ETNPPL: variants seen among roughly 807,000 people sequenced by gnomAD.
ETNPPL encodes alanine--glyoxylate aminotransferase 2-like 1.
ETNPPL carries 30 observed loss-of-function variants against 55.5 expected under a neutral mutation model. The ratio of observed to expected loss-of-function variants is 0.54; its 90% CI spans 0.40 to 0.73. ETNPPL has a LOEUF of 0.73. ETNPPL is among the 30% of genes least tolerant of loss of function. ETNPPL has a pLI of 0.00. For synonymous variants in ETNPPL, 202 were observed against 207.2 expected, an observed-to-expected ratio of 0.98 and a Z score of 0.21; for missense variants, 528 against 607.9, an observed-to-expected ratio of 0.87 and a Z score of 1.38.
chr4:108,750,495 C>CATGTGTGT lies in ETNPPL; in HGVS notation c.701+440_701+441insACACACAT, dbSNP rs1491439467. Among the ~76,000 whole-genome samples the CATGTGTGT allele has an allele frequency of 3.0e-4, 42 of 141,620 alleles. 1 individual carries two copies. Among genetic ancestry groups the CATGTGTGT allele is most frequent in the African/African-American group, 1.1e-3 (40 of 37,364 alleles). 92.9% of individuals were successfully genotyped at this position (141,620 alleles called of 152,430 possible). A position where few individuals can be genotyped will look rare whatever the true frequency, so the allele number is the denominator to read the frequency against. On this transcript the variant is annotated intron_variant, in intron 7 of 12. Coordinates refer to ENST00000296486, the MANE Select transcript of ETNPPL (RefSeq NM_031279.4). The stretch of plus-strand genomic sequence containing the variant: ...CATGTAAGTTAATACTTAATACCGC[C>CATGTGTGT]GTGTGTGTGTGTGTGTGTGTGTGTG...
intron 5 of ETNPPL, among the ~76,000 whole-genome samples, chr4:108,753,788 G>GA (rs1204342369): frequency 3.5e-4 from 40 of 114,812 alleles, no homozygotes; most frequent in African/African-American, 1.8e-3. Context: ...AAGAAAGAAA[G>GA]AAAGAAAGAA....
chr4:108,759,400 C>CA (rs59227589), intron 3 of ETNPPL, among the ~76,000 whole-genome samples: 12,405 of 67,914 alleles, frequency 0.18, 1,057 homozygotes, highest in South Asian at 0.26. Context: ...GGCTCCATCT[C>CA]AAAAAAAAAA....
chr4:108,753,060 ACCTT>A (rs1407905013), intron 5 of ETNPPL, 49 bp from the exon 6 acceptor site: 4 of 1,019,792 alleles, frequency 3.9e-6, no homozygotes, highest in Admixed American at 4.1e-5. Context: ...TTTTCGACAA[ACCTT>A]AAAAAAAAGG....
rs775090879 is a variant in ETNPPL at position 108,748,070 on chromosome 4, T to C, written c.1017A>G (p.Val339=). Residue 339 remains valine (V), a synonymous_variant, in exon 9 of 13, where the codon GTA becomes GTG. Coordinates refer to ENST00000296486, the MANE Select transcript of ETNPPL (RefSeq NM_031279.4). The part of the protein sequence containing the change: ...NEDLQGNAKR[V]GNYLTELLKK... ...TCAGTAACTCAGTGAGATAATTCCCTACTCTCTTGGCATTTCCTTGAAGGT... is the reference window on the plus strand; with the variant it reads ...TCAGTAACTCAGTGAGATAATTCCCCACTCTCTTGGCATTTCCTTGAAGGT... 4 of 1,612,142 alleles carry C rather than the reference T, an allele frequency of 2.5e-6. No homozygotes were observed. The highest frequency in any genetic ancestry group is 3.4e-6 in the Non-Finnish European group (4 of 1,178,936).
intron 2 of ETNPPL, 93 bp from the exon 3 acceptor site, chr4:108,760,001 A>G (rs770084941): frequency 2.2e-6 from 3 of 1,341,390 alleles, no homozygotes; most frequent in Admixed American, 2.0e-5. Context: ...CAAGCAAACA[A>G]ACAAACAAAC....
chr4:108,759,910 T>C lies in ETNPPL; in HGVS notation c.176-2A>G. The C allele has an allele frequency of 6.2e-7, 1 of 1,612,406 alleles. No homozygotes were observed. The highest frequency in any genetic ancestry group is 8.5e-7 in the Non-Finnish European group (1 of 1,179,300). ...CCACTCCTGGGTGACAGTGTCCCAC[T>C]AAAATTTATGAAACAAAAGCCCAAG... On this transcript the variant is annotated splice_acceptor_variant, in intron 2 of 12. Coordinates refer to ENST00000296486, the MANE Select transcript of ETNPPL (RefSeq NM_031279.4). LOFTEE classifies it high-confidence loss of function.
At chr4:108,758,722 C>T (rs552074116) in intron 3 of ETNPPL, among the ~76,000 whole-genome samples, 1 of 152,336 alleles carries the variant, frequency 6.6e-6, no homozygotes, top group South Asian at 2.1e-4. Context: ...CTGCTGGTGG[C>T]CCTGTGCATG....
At chr4:108,758,549 A>T (rs1729340261) in intron 3 of ETNPPL, among the ~76,000 whole-genome samples, 1 of 152,166 alleles carries the variant, frequency 6.6e-6, no homozygotes, top group Non-Finnish European at 1.5e-5. Context: ...CAGGAGTTCA[A>T]GAGCAGCCTG....
At chr4:108,762,218 C>T in intron 1 of ETNPPL, 2 of 371,040 alleles carry the variant, frequency 5.4e-6, no homozygotes, top group South Asian at 4.1e-5. Context: ...TCGTTTGTGA[C>T]GGGGGCAAGA....
At chr4:108,754,274 G>A (rs554191599) in intron 5 of ETNPPL, among the ~76,000 whole-genome samples, 5 of 152,062 alleles carry the variant, frequency 3.3e-5, no homozygotes, top group East Asian at 1.9e-4. Context: ...CACTGTGCCC[G>A]GCCAAGAGCA....
chr4:108,751,125 C>G lies in ETNPPL; in HGVS notation c.619-107G>C, dbSNP rs956852258. ...ATTTTAAAAATGGCTAGGAATAGAC[C>G]TGTAGCAAGTGGCAAATTAGCCATT... On this transcript the variant is annotated intron_variant, in intron 6 of 12. Coordinates refer to ENST00000296486, the MANE Select transcript of ETNPPL (RefSeq NM_031279.4). 3.4e-5 allele frequency: 22 copies of G among 647,688 alleles called. No homozygotes were observed. The African/African-American group carries it at 3.6e-4, about 11-fold the overall frequency. The allele number at this position is 647,688 out of a possible 1,614,324, so 40.1% of individuals were successfully genotyped here.
intron 6 of ETNPPL, among the ~76,000 whole-genome samples, chr4:108,752,118 A>G (rs774502453): frequency 3.9e-5 from 6 of 152,230 alleles, no homozygotes; most frequent in Non-Finnish European, 5.9e-5. Context: ...TGGGGAAAAA[A>G]AAGAAGAAAC....
intron 3 of ETNPPL, 59 bp from the exon 4 acceptor site, chr4:108,756,551 G>T: frequency 2.3e-6 from 3 of 1,312,448 alleles, no homozygotes; most frequent in Non-Finnish European, 2.2e-6. Context: ...AAACATTTAG[G>T]ATGTGCCAGG....
At chr4:108,762,371 G>A in intron 1 of ETNPPL, 1 of 474,284 alleles carries the variant, frequency 2.1e-6, no homozygotes, top group South Asian at 1.5e-5. Context: ...AAGCATGCAA[G>A]AAGAAAAAGC....
intron 3 of ETNPPL, 82 bp from the exon 4 acceptor site, chr4:108,756,574 C>A (rs181783884): frequency 1.9e-6 from 2 of 1,044,770 alleles, no homozygotes; most frequent in Admixed American, 1.8e-5. Flanking sequence ...CGGTAGCTCA[C>A]GCCTGTAATC....
At chr4:108,745,789 G>A (rs544549849) in intron 11 of ETNPPL, among the ~76,000 whole-genome samples, 3 of 151,378 alleles carry the variant, frequency 2.0e-5, no homozygotes, top group Admixed American at 6.6e-5. Context: ...AAATTAGCCC[G>A]GCATGGTGGC....
chr4:108,752,462 G>A (rs1728958739), intron 6 of ETNPPL, among the ~76,000 whole-genome samples: 1 of 152,164 alleles, frequency 6.6e-6, no homozygotes, highest in Non-Finnish European at 1.5e-5. Flanking sequence ...GCTTACCCAG[G>A]TGCAAACCAG....
At chr4:108,749,557 G>A (rs1728798184) in intron 7 of ETNPPL, 94 bp from the exon 8 acceptor site, 2 of 868,612 alleles carry the variant, frequency 2.3e-6, no homozygotes, top group Non-Finnish European at 3.6e-6. Flanking sequence ...AAAAAAAAAA[G>A]TTGTTAACCT....
chr4:108,743,807 A>G lies in ETNPPL; in HGVS notation c.1353T>C (p.Asn451=), dbSNP rs776723817. The stretch of plus-strand genomic sequence containing the variant: ...CCCTTACCTTTGTTTTGCATGGAGT[A>G]TTCTCAGAGGTCACACTTTCGGTTT... ...GTKTESVTSE[N]TPCKTKMLKE... is the part of the protein sequence containing the mutation. The change falls in exon 12 of 13, where the codon AAT becomes AAC. Residue 451 remains asparagine, a synonymous_variant. Transcript: ENST00000296486. 1.6e-5 allele frequency: 25 copies of G among 1,611,018 alleles called. No individual in the cohort carries two copies. In the South Asian group the frequency reaches 2.3e-4, roughly 15 times the overall value.
Sources: allele counts gnomAD v4.1 joint callset (sites outside exome capture counted in the v4.1 genomes callset), GRCh38; gene constraint gnomAD v4.1.1; transcripts MANE v1.5; gene names NCBI Gene and HGNC (gene_info 2026-07-23, HGNC 2026-07-21).